The following BAZ2A variants were observed in gnomAD, a reference collection of about 807,000 sequenced individuals.
BAZ2A encodes bromodomain adjacent to zinc finger domain 2A, also known as bromodomain adjacent to zinc finger domain protein 2A.
Under a neutral mutation model 199.9 loss-of-function variants are expected in BAZ2A, and 34 were observed. That is an observed-to-expected ratio of 0.17 (90% CI 0.13 to 0.23). The LOEUF (loss-of-function observed/expected upper bound fraction) is 0.23. BAZ2A is among the 10% of genes least tolerant of loss of function. The probability of loss-of-function intolerance (pLI) is 1.00; values close to 1 mark genes in which losing one functional copy is unlikely to be tolerated. For synonymous variants in BAZ2A, 857 were observed against 883.9 expected (o/e 0.97, Z 0.54); for missense variants, 2,002 against 2,391.1 (o/e 0.84, Z 3.39).
rs951364023 is a variant in BAZ2A at position 56,599,130 on chromosome 12, C to G, written c.5401G>C (p.Glu1801Gln). The stretch of plus-strand genomic sequence containing the variant: ...CCCCCCAGGATTCACTCAACTCACT[C>G]GCAAAATGTGAGATCACTGTGGTGG... ...RNHHSDLTFC[E>Q]IILMEMESHD... The change falls in exon 27 of 29, where the codon GAG becomes CAG. Residue 1801 changes from glutamate to glutamine, a missense_variant and splice_region_variant. Glu to Gln is a conservative substitution (Grantham distance 29). Coordinates refer to ENST00000549884, the MANE Select transcript of BAZ2A (RefSeq NM_001300905.2). 6.2e-7 allele frequency: 1 copy of G among 1,608,710 alleles called. No individual in the cohort carries two copies. The highest frequency in any genetic ancestry group is 8.5e-7 in the Non-Finnish European group (1 of 1,177,364).
rs750538983 is a variant in BAZ2A at position 56,610,147 on chromosome 12, A to G, written c.1848T>C (p.Val616=). The change falls in exon 9 of 29, where the codon GTT becomes GTC. Residue 616 remains valine (V), a synonymous_variant. Coordinates refer to ENST00000549884, the MANE Select transcript of BAZ2A (RefSeq NM_001300905.2). The stretch of plus-strand genomic sequence containing the variant: ...TGTCTCTTTCTTCAAAGAAATCTCC[A>G]ACAGGCATACGGGGACTGAAGCTGA... ...EHFSFSPRMP[V]GDFFEERDTP... 2 of 1,613,674 alleles carry G rather than the reference A, an allele frequency of 1.2e-6. No homozygotes were observed. The highest frequency in any genetic ancestry group is 1.3e-5 in the African/African-American group (1 of 74,866).
chr12:56,629,411 G>A (rs989756859), intron 1 of BAZ2A, among the ~76,000 whole-genome samples: 3 of 152,282 alleles, frequency 2.0e-5, no homozygotes, highest in Admixed American at 1.3e-4. Flanking sequence ...CCTCAGTGAG[G>A]AATCTCCTTG....
At chr12:56,636,381 G>C, upstream of BAZ2A, 1 of 1,396,486 alleles carries the variant, frequency 7.2e-7, no homozygotes, top group Non-Finnish European at 9.3e-7. Flanking sequence ...TGACAGACTG[G>C]GGTGGGGAGG....
intron 12 of BAZ2A, 32 bp from the exon 13 acceptor site, chr12:56,606,095 A>C: frequency 6.4e-7 from 1 of 1,551,328 alleles, no homozygotes; most frequent in South Asian, 1.2e-5. Context: ...CAAGACTGCC[A>C]TAAAGATATC....
rs199763688 is a variant in BAZ2A at position 56,628,772 on chromosome 12, A to C, written c.-3+1353T>G. Among the ~76,000 whole-genome samples the C allele has an allele frequency of 1.4e-4, 21 of 152,274 alleles. No homozygotes were observed. In the East Asian group the frequency reaches 2.1e-3, roughly 15 times the overall value. On this transcript the variant is annotated intron_variant, in intron 1 of 28. Coordinates refer to ENST00000549884, the MANE Select transcript of BAZ2A (RefSeq NM_001300905.2). ...CAATATAGAAACTGTCATAATAACTATACTAAAGTAGGACCCCAAGAAGCT... is the reference window on the plus strand; with the variant it reads ...CAATATAGAAACTGTCATAATAACTCTACTAAAGTAGGACCCCAAGAAGCT...
In BAZ2A at chr12:56,615,254, C is replaced by T. The variant is rs1204697231; in HGVS notation, c.490G>A (p.Glu164Lys). ...SPMGLNFDSQ[E>K]LYDSFPDQNF... ...TGGTCAGGAAAGGAATCATACAGTT[C>T]TTGTGAATCAAAGTTAAGCCCCATG... The change falls in exon 3 of 29, where the codon GAA becomes AAA. Residue 164 changes from glutamate to lysine, a missense_variant. Glu to Lys is a moderately conservative substitution (Grantham distance 56, BLOSUM62 1). This residue lies in a region of BAZ2A where 641 missense variants were observed against 694.5 expected (regional missense o/e 0.92). Coordinates refer to ENST00000549884, the MANE Select transcript of BAZ2A (RefSeq NM_001300905.2). The T allele has an allele frequency of 6.2e-7, 1 of 1,613,896 alleles. No individual in the cohort carries two copies. The highest frequency in any genetic ancestry group is 1.3e-5 in the African/African-American group (1 of 75,020).
At position 56,601,086 on chromosome 12, in the gene BAZ2A, C is replaced by T; in HGVS notation, c.4307G>A (p.Gly1436Asp). Reference sequence around the variant, plus strand: ...CTCAGGATCTCGTATCCACCACCAGCCTGAGCACATCTCTGTGAGCAGATG... The same window carrying T: ...CTCAGGATCTCGTATCCACCACCAGTCTGAGCACATCTCTGTGAGCAGATG... ...AQPVPPEMCS[G>D]WWWIRDPEML... is the part of the protein sequence containing the mutation. Residue 1436 changes from glycine (G) to aspartate (D), a missense_variant, in exon 22 of 29, where the codon GGC becomes GAC. Gly to Asp is a moderately conservative substitution (Grantham distance 94). Transcript: ENST00000549884. The T allele has an allele frequency of 6.2e-7, 1 of 1,613,220 alleles. No individual in the cohort carries two copies. The highest frequency in any genetic ancestry group is 8.5e-7 in the Non-Finnish European group (1 of 1,179,528).
intron 13 of BAZ2A, 24 bp downstream of exon 13, chr12:56,605,806 G>A: frequency 6.3e-7 from 1 of 1,589,180 alleles, no homozygotes; most frequent in Non-Finnish European, 8.6e-7. Flanking sequence ...GCTGACCCAG[G>A]AACTGTTACT....
At chr12:56,627,264 C>T (rs1014244444) in intron 1 of BAZ2A, among the ~76,000 whole-genome samples, 1 of 151,686 alleles carries the variant, frequency 6.6e-6, no homozygotes, top group African/African-American at 2.4e-5. Flanking sequence ...AATTCGAGTT[C>T]GAGACCAGCC....
chr12:56,605,327 G>T lies in BAZ2A; in HGVS notation c.2494C>A (p.Pro832Thr), dbSNP rs776599524. ...TEDMCLTDHQ[P>T]LPDFSRVPGL... Reference sequence around the variant, plus strand: ...GGGACTCGTGAGAAGTCAGGCAGGGGCTAGAGAGAGAAAAGTGAGTAGAGA... The same window carrying T: ...GGGACTCGTGAGAAGTCAGGCAGGGTCTAGAGAGAGAAAAGTGAGTAGAGA... The change falls in exon 14 of 29, where the codon CCC (proline) becomes ACC (threonine). Residue 832 changes from proline to threonine, a missense_variant and splice_region_variant. This residue lies in a region of BAZ2A where 1,081 missense variants were observed against 1,274.7 expected (regional missense o/e 0.85). Transcript: ENST00000549884. 106 of 1,605,312 alleles carry T rather than the reference G, an allele frequency of 6.6e-5. No individual in the cohort carries two copies. Among genetic ancestry groups the T allele is most frequent in the Non-Finnish European group, 8.4e-5 (99 of 1,173,618 alleles).
Position 56,596,972 on chromosome 12 carries a change from C to G in BAZ2A, c.*1646G>C, listed in dbSNP as rs951156334. 1.3e-5 allele frequency: 2 copies of G among 152,718 alleles called. No homozygotes were observed. The highest frequency in any genetic ancestry group is 4.8e-5 in the African/African-American group (2 of 41,380). 9.5% of individuals were successfully genotyped at this position (152,718 alleles called of 1,614,324 possible). A position where few individuals can be genotyped will look rare whatever the true frequency, so the allele number is the denominator to read the frequency against. Reference sequence around the variant, plus strand: ...CACCTCACCTGGCACCCCCACCCCCCAATGGAACATTTCTTGGATGCCTCA... The same window carrying G: ...CACCTCACCTGGCACCCCCACCCCCGAATGGAACATTTCTTGGATGCCTCA... On this transcript the variant is annotated 3_prime_UTR_variant, in exon 29 of 29. Transcript: ENST00000549884.
rs1343265037 is a variant in BAZ2A at position 56,597,713 on chromosome 12, C to T, written c.*905G>A. The T allele has an allele frequency of 6.5e-6, 1 of 152,802 alleles. No homozygotes were observed. The highest frequency in any genetic ancestry group is 1.5e-5 in the Non-Finnish European group (1 of 68,738). 9.5% of individuals were successfully genotyped at this position (152,802 alleles called of 1,614,324 possible). ...GGCCGGCCCCATTGCTACCTGGCCTCCATCTTAGGGTGCACCCAAACTCAG... is the reference window on the plus strand; with the variant it reads ...GGCCGGCCCCATTGCTACCTGGCCTTCATCTTAGGGTGCACCCAAACTCAG... On this transcript the variant is annotated 3_prime_UTR_variant, in exon 29 of 29. Transcript: ENST00000549884.
At chr12:56,601,449 A>C (rs1051910335) in intron 20 of BAZ2A, 47 bp from the exon 21 acceptor site, 3 of 1,594,132 alleles carry the variant, frequency 1.9e-6, no homozygotes, top group Non-Finnish European at 2.6e-6. Context: ...TTTCATGTTT[A>C]TAGGTTCCCT....
At chr12:56,636,262 G>T (rs923885701) in exon 1 of BAZ2A, 4 of 1,555,820 alleles carry the variant, frequency 2.6e-6, no homozygotes, top group Non-Finnish European at 3.5e-6. Flanking sequence ...GTAAAGGTTG[G>T]TGTTGGATCC....
chr12:56,627,326 G>T (rs1024341910), intron 1 of BAZ2A, among the ~76,000 whole-genome samples: 17 of 151,946 alleles, frequency 1.1e-4, no homozygotes, highest in African/African-American at 4.1e-4. Context: ...AATTAGCCAG[G>T]CATGGTGGCG....
chr12:56,604,848 C>G (rs1950294220), intron 14 of BAZ2A, 49 bp from the exon 15 acceptor site: 2 of 1,574,490 alleles, frequency 1.3e-6, no homozygotes, highest in Non-Finnish European at 1.7e-6. Flanking sequence ...GATGCACAAC[C>G]AAGTTGGGTG....
Position 56,613,103 on chromosome 12 carries a change from G to A in BAZ2A, c.1047C>T (p.Phe349=), listed in dbSNP as rs1950613969. The part of the protein sequence containing the change: ...DCPSLNNATA[F]SLLADDSQTS... ...TTTGACTATCATCTGCCAGGAGACTGAAGGCAGTAGCATTATTGAGGGAAG... is the reference window on the plus strand; with the variant it reads ...TTTGACTATCATCTGCCAGGAGACTAAAGGCAGTAGCATTATTGAGGGAAG... The change falls in exon 5 of 29, where the codon TTC becomes TTT. Residue 349 remains phenylalanine, a synonymous_variant. Coordinates refer to ENST00000549884, the MANE Select transcript of BAZ2A (RefSeq NM_001300905.2). 1 of 1,614,014 alleles carries A rather than the reference G, an allele frequency of 6.2e-7. No homozygotes were observed. Among genetic ancestry groups the A allele is most frequent in the South Asian group, 1.1e-5 (1 of 91,086 alleles).
rs930764810 is a variant in BAZ2A at position 56,636,305 on chromosome 12, C to A, written c.-120G>T. On this transcript the variant is annotated 5_prime_UTR_variant, in exon 1 of 30. Transcript: ENST00000379441. ...CTGTGAGCTGGGAACTAGCAAGAAT[C>A]AAAAAGCCAGTGTATGCTTCCTGCG... 16 of 1,472,394 alleles carry A rather than the reference C, an allele frequency of 1.1e-5. No individual in the cohort carries two copies. In the Admixed American group the frequency reaches 1.3e-4, roughly 12 times the overall value. The allele number at this position is 1,472,394 out of a possible 1,614,324, so 91.2% of individuals were successfully genotyped here. A position where few individuals can be genotyped will look rare whatever the true frequency, so the allele number is the denominator to read the frequency against.
At chr12:56,613,353 T>C (rs559294490) in intron 4 of BAZ2A, 120 bp from the exon 5 acceptor site, 16 of 1,000,046 alleles carry the variant, frequency 1.6e-5, no homozygotes, top group Non-Finnish European at 2.4e-5. Flanking sequence ...AGATTCTTCC[T>C]AATATTAAGT....
Sources: gnomAD v4.1 joint callset for allele counts (sites outside exome capture counted in the v4.1 genomes callset) on GRCh38, gnomAD v4.1.1 for gene constraint, gnomAD v4.1.1 regional missense constraint, MANE v1.5 for transcripts, NCBI Gene and HGNC (gene_info 2026-07-23, HGNC 2026-07-21) for gene names.